Variants in EGFLAM observed in about 807,000 individuals in gnomAD.
The protein encoded by EGFLAM is EGF like, fibronectin type III and laminin G domains.
Under a neutral mutation model 113.1 loss-of-function variants are expected in EGFLAM, and 79 were observed. That is an observed-to-expected ratio of 0.70 (90% CI 0.58 to 0.84). The LOEUF is 0.84. Ranked by LOEUF, EGFLAM falls within the 40% of genes least tolerant of loss-of-function variation. EGFLAM has a pLI of 0.00. For missense variants in EGFLAM, 1,265 were observed against 1,291.6 expected (o/e 0.98, Z 0.32); for synonymous variants, 504 against 487.6 (o/e 1.03, Z -0.44).
chr5:38,273,518 C>A (rs902570428), intron 1 of EGFLAM, among the ~76,000 whole-genome samples: 1 of 152,266 alleles, frequency 6.6e-6, no homozygotes, highest in Admixed American at 6.5e-5. Flanking sequence ...GATTACACAT[C>A]AGCACTGCAG....
intron 17 of EGFLAM, among the ~76,000 whole-genome samples, chr5:38,447,539 TA>T (rs1307787039): frequency 6.6e-6 from 1 of 152,006 alleles, no homozygotes; most frequent in Non-Finnish European, 1.5e-5. Context: ...GTGGATCACC[TA>T]AGGTCAGGAG....
At chr5:38,445,537 G>A (rs1446480324) in intron 17 of EGFLAM, 12 of 1,572,014 alleles carry the variant, frequency 7.6e-6, no homozygotes, top group Admixed American at 6.8e-5. Flanking sequence ...CATTCCCTAA[G>A]AGGACGTTCT....
chr5:38,409,188 A>G (rs1741391907), intron 10 of EGFLAM, 84 bp downstream of exon 10: 1 of 1,052,978 alleles, frequency 9.5e-7, no homozygotes, highest in African/African-American at 1.6e-5. Context: ...GAAAAAATAT[A>G]TACAGGATAG....
At chr5:38,326,364 C>T (rs1010251728) in intron 1 of EGFLAM, among the ~76,000 whole-genome samples, 9 of 152,150 alleles carry the variant, frequency 5.9e-5, no homozygotes, top group African/African-American at 1.9e-4. Context: ...AGCGAATGGC[C>T]GCCTGTTCTG....
At chr5:38,435,304 A>G (rs763322849) in intron 16 of EGFLAM, 51 bp downstream of exon 16, 1 of 1,336,752 alleles carries the variant, frequency 7.5e-7, no homozygotes, top group South Asian at 1.2e-5. Context: ...CTGTAGACAA[A>G]GAAAGTGAGG....
chr5:38,393,885 G>A (rs1740882787), intron 6 of EGFLAM, among the ~76,000 whole-genome samples: 1 of 152,300 alleles, frequency 6.6e-6, no homozygotes, highest in East Asian at 1.9e-4. Context: ...GTTCTTGTCC[G>A]GTGTCCAGGA....
At chr5:38,361,508 T>C (rs1007699084) in intron 5 of EGFLAM, among the ~76,000 whole-genome samples, 8 of 152,130 alleles carry the variant, frequency 5.3e-5, no homozygotes, top group Admixed American at 2.0e-4. Flanking sequence ...CAGGCAGTCA[T>C]GGGATTGATC....
chr5:38,307,447 CTT>C (rs1300313704), intron 1 of EGFLAM, among the ~76,000 whole-genome samples: 1 of 152,218 alleles, frequency 6.6e-6, no homozygotes, highest in South Asian at 2.1e-4. Flanking sequence ...TCACTCAGCC[CTT>C]TTTCTTCCTG....
At chr5:38,311,424 G>T (rs535858091) in intron 1 of EGFLAM, among the ~76,000 whole-genome samples, 2 of 152,210 alleles carry the variant, frequency 1.3e-5, no homozygotes, top group African/African-American at 4.8e-5. Context: ...GATCCTATAT[G>T]TAAGTGAGAT....
chr5:38,345,395 C>T (rs1739448621), intron 3 of EGFLAM: 1 of 152,206 alleles, frequency 6.6e-6, no homozygotes, highest in African/African-American at 2.4e-5. Flanking sequence ...GGCAAGAGTC[C>T]TGAAAGTCGC....
At chr5:38,389,664 C>A (rs1299899013) in intron 6 of EGFLAM, among the ~76,000 whole-genome samples, 1 of 152,028 alleles carries the variant, frequency 6.6e-6, no homozygotes, top group Non-Finnish European at 1.5e-5. Flanking sequence ...GTTTCCCCAG[C>A]CTGGATAAGT....
intron 16 of EGFLAM, among the ~76,000 whole-genome samples, chr5:38,437,117 C>G (rs549267323): frequency 1.3e-5 from 2 of 152,322 alleles, no homozygotes; most frequent in East Asian, 1.9e-4. Flanking sequence ...GGCTAGGGAA[C>G]CCAGTAGCCC....
At chr5:38,403,695 T>G in intron 6 of EGFLAM, 4 of 1,350,862 alleles carry the variant, frequency 3.0e-6, no homozygotes, top group Non-Finnish European at 4.0e-6. Flanking sequence ...TTTCTGGAAT[T>G]TCCCATTTAA....
chr5:38,348,576 G>A (rs568747493), intron 3 of EGFLAM, among the ~76,000 whole-genome samples: 3 of 152,254 alleles, frequency 2.0e-5, no homozygotes, highest in South Asian at 4.2e-4. Flanking sequence ...AAGTTGTTAC[G>A]GTGCCTTGGT....
intron 12 of EGFLAM, among the ~76,000 whole-genome samples, chr5:38,422,352 T>C (rs538322099): frequency 1.6e-3 from 241 of 152,222 alleles, no homozygotes; most frequent in African/African-American, 5.1e-3. Context: ...CCCCCTAAAA[T>C]GAACCTATTC....
chr5:38,427,293 G>A (rs757548080), intron 14 of EGFLAM, 41 bp downstream of exon 14: 31 of 1,598,354 alleles, frequency 1.9e-5, no homozygotes, highest in Non-Finnish European at 2.6e-5. Flanking sequence ...CCTTAAAAAG[G>A]CAAATAGTAA....
chr5:38,345,182 G>A (rs1739443805), intron 3 of EGFLAM, among the ~76,000 whole-genome samples: 1 of 152,196 alleles, frequency 6.6e-6, no homozygotes, highest in African/African-American at 2.4e-5. Context: ...GCCCACAAGG[G>A]CAGTTACAGA....
chr5:38,426,330 AT>A (rs1428186422), intron 13 of EGFLAM, among the ~76,000 whole-genome samples: 1 of 152,174 alleles, frequency 6.6e-6, no homozygotes, highest in Non-Finnish European at 1.5e-5. Context: ...ATAACAGAAA[AT>A]TTCAAAGATT....
chr5:38,387,410 A>G (rs1740694461), intron 6 of EGFLAM, among the ~76,000 whole-genome samples: 1 of 152,082 alleles, frequency 6.6e-6, no homozygotes, highest in South Asian at 2.1e-4. Flanking sequence ...AGCTATCCCA[A>G]CTGTCTCCAG....
Sources: gnomAD v4.1 joint callset for allele counts (sites outside exome capture counted in the v4.1 genomes callset) on GRCh38, gnomAD v4.1.1 for gene constraint, MANE v1.5 for transcripts, NCBI Gene and HGNC (gene_info 2026-07-23, HGNC 2026-07-21) for gene names.